Variants in SDK1 observed in about 807,000 individuals in gnomAD.
The protein encoded by SDK1 is sidekick cell adhesion molecule 1.
In SDK1, 157 loss-of-function variants were observed where a neutral mutation model predicts 245.5. The ratio of observed to expected loss-of-function variants is 0.64; its 90% CI spans 0.56 to 0.73. The LOEUF is 0.73. SDK1 is among the 30% of genes least tolerant of loss of function. SDK1 has a pLI of 0.00. For missense variants in SDK1, 3,583 were observed against 3,002.3 expected (o/e 1.19, Z -4.52); for synonymous variants, 1,647 against 1,278.5 (o/e 1.29, Z -6.15).
intron 4 of SDK1, among the ~76,000 whole-genome samples, chr7:3,669,929 G>T (rs1341971995): frequency 6.6e-6 from 1 of 152,060 alleles, no homozygotes; most frequent in Non-Finnish European, 1.5e-5. Context: ...AAATGACACT[G>T]CCATCCAACA....
intron 42 of SDK1, among the ~76,000 whole-genome samples, chr7:4,241,237 G>A (rs948898190): frequency 1.3e-5 from 2 of 152,106 alleles, no homozygotes; most frequent in African/African-American, 4.8e-5. Flanking sequence ...TTCTTTAGCC[G>A]TCACACTCCC....
At chr7:3,589,238 G>T (rs1490673108) in intron 1 of SDK1, among the ~76,000 whole-genome samples, 1 of 152,182 alleles carries the variant, frequency 6.6e-6, no homozygotes, top group Non-Finnish European at 1.5e-5. Flanking sequence ...TTTGATGTCA[G>T]TACTGATCTC....
At chr7:3,577,893 G>A (rs1047553770) in intron 1 of SDK1, among the ~76,000 whole-genome samples, 1 of 151,972 alleles carries the variant, frequency 6.6e-6, no homozygotes, top group African/African-American at 2.4e-5. Context: ...GAGGTGTGCG[G>A]TGACTGCATT....
chr7:3,563,336 G>A (rs540830258), intron 1 of SDK1, among the ~76,000 whole-genome samples: 3 of 151,886 alleles, frequency 2.0e-5, no homozygotes, highest in South Asian at 2.1e-4. Flanking sequence ...CAGATGGGGC[G>A]GAAAAACAAG....
intron 1 of SDK1, among the ~76,000 whole-genome samples, chr7:3,570,251 A>G (rs888504838): frequency 1.3e-5 from 2 of 152,090 alleles, no homozygotes; most frequent in African/African-American, 4.8e-5. Flanking sequence ...TTGGGGATGA[A>G]ACTGTTCAGA....
chr7:3,720,466 C>G (rs1305764809), intron 4 of SDK1, among the ~76,000 whole-genome samples: 1 of 152,104 alleles, frequency 6.6e-6, no homozygotes, highest in African/African-American at 2.4e-5. Context: ...GGCAAACAAA[C>G]ATGTATAAAG....
At chr7:3,825,870 G>A (rs376240256) in intron 5 of SDK1, among the ~76,000 whole-genome samples, 80 of 152,214 alleles carry the variant, frequency 5.3e-4, no homozygotes, top group Middle Eastern at 6.8e-3. Flanking sequence ...GACTTGGCTC[G>A]GGTTCCTAAA....
intron 5 of SDK1, among the ~76,000 whole-genome samples, chr7:3,865,251 G>T (rs1190985837): frequency 6.6e-6 from 1 of 152,216 alleles, no homozygotes; most frequent in Non-Finnish European, 1.5e-5. Flanking sequence ...AGTGTGGGAG[G>T]CCTGGTGATC....
chr7:3,541,221 G>T (rs950486145), intron 1 of SDK1, among the ~76,000 whole-genome samples: 1 of 152,164 alleles, frequency 6.6e-6, no homozygotes, highest in Non-Finnish European at 1.5e-5. Flanking sequence ...GTTAATTGTC[G>T]AGAGTTTATA....
At chr7:4,235,659 C>T (rs1031793463) in intron 41 of SDK1, among the ~76,000 whole-genome samples, 15 of 152,354 alleles carry the variant, frequency 9.8e-5, no homozygotes, top group African/African-American at 3.6e-4. Context: ...AGCAATTACA[C>T]ATGCACAGAA....
intron 13 of SDK1, among the ~76,000 whole-genome samples, chr7:3,981,240 A>G (rs1020121148): frequency 1.3e-5 from 2 of 152,126 alleles, no homozygotes; most frequent in Non-Finnish European, 2.9e-5. Flanking sequence ...TTGTTTTGGG[A>G]CACCATGAGC....
At chr7:4,196,769 C>G (rs1232828388) in intron 35 of SDK1, among the ~76,000 whole-genome samples, 3 of 152,360 alleles carry the variant, frequency 2.0e-5, no homozygotes, top group Admixed American at 2.0e-4. Context: ...CTGATGCCAT[C>G]CCAGGCACAC....
chr7:4,065,691 G>GTTTTTTCTTTTTTTTTTT (rs1562755417), intron 19 of SDK1, among the ~76,000 whole-genome samples: 1 of 29,472 alleles, frequency 3.4e-5, no homozygotes, highest in African/African-American at 1.7e-4. Context: ...ATGAGTGGTT[G>GTTTTTTCTTTTTTTTTTT]TTGTTTTTTT....
At chr7:3,951,109 A>C in intron 6 of SDK1, 75 bp downstream of exon 6, 1 of 1,117,664 alleles carries the variant, frequency 8.9e-7, no homozygotes, top group East Asian at 2.4e-5. Context: ...AGAAGGATAC[A>C]CTGGAGCATG....
At chr7:3,444,243 G>A (rs1445041595) in intron 1 of SDK1, among the ~76,000 whole-genome samples, 2 of 152,020 alleles carry the variant, frequency 1.3e-5, no homozygotes, top group African/African-American at 2.4e-5. Flanking sequence ...CTGGCAGTGT[G>A]GTCTTACAGT....
intron 22 of SDK1, among the ~76,000 whole-genome samples, chr7:4,105,360 G>T (rs913792660): frequency 6.6e-6 from 1 of 151,568 alleles, no homozygotes; most frequent in African/African-American, 2.4e-5. Flanking sequence ...AGGCTGGAGT[G>T]CAGTGGCATG....
intron 2 of SDK1, among the ~76,000 whole-genome samples, chr7:3,629,865 C>A (rs116426117): frequency 1.3e-5 from 2 of 152,068 alleles, no homozygotes; most frequent in Admixed American, 1.3e-4. Flanking sequence ...AGAACTGACA[C>A]AGTTATTAGA....
intron 5 of SDK1, among the ~76,000 whole-genome samples, chr7:3,919,542 T>C (rs1426893548): frequency 2.0e-5 from 3 of 152,136 alleles, no homozygotes; most frequent in Non-Finnish European, 4.4e-5. Context: ...CCCTCCCTGG[T>C]GAACTGAAAG....
At chr7:3,787,463 G>T (rs938146886) in intron 4 of SDK1, among the ~76,000 whole-genome samples, 8 of 151,974 alleles carry the variant, frequency 5.3e-5, no homozygotes, top group Non-Finnish European at 1.2e-4. Flanking sequence ...GCTTACCCTA[G>T]AGATGAACCT....
Sources: gnomAD v4.1 joint callset for allele counts (sites outside exome capture counted in the v4.1 genomes callset) on GRCh38, gnomAD v4.1.1 for gene constraint, MANE v1.5 for transcripts, NCBI Gene and HGNC (gene_info 2026-07-23, HGNC 2026-07-21) for gene names.